Variants in GRB10 observed in about 807,000 individuals in gnomAD.
GRB10 encodes the protein growth factor receptor bound protein 10, also known as growth factor receptor-bound protein 10.
GRB10 carries 20 observed loss-of-function variants against 80.9 expected under a neutral mutation model. The ratio of observed to expected loss-of-function variants is 0.25; its 90% CI spans 0.17 to 0.36. GRB10 has a LOEUF of 0.36. GRB10 is among the 10% of genes least tolerant of loss of function. The probability of loss-of-function intolerance (pLI) is 1.00; values close to 1 mark genes in which losing one functional copy is unlikely to be tolerated. For missense variants in GRB10, 548 were observed against 747.7 expected, an observed-to-expected ratio of 0.73 and a Z score of 3.12; for synonymous variants, 291 against 291.5, an observed-to-expected ratio of 1.00 and a Z score of 0.02.
chr7:50,783,598 T>A (rs1368173568), upstream of GRB10, among the ~76,000 whole-genome samples: 1 of 151,608 alleles, frequency 6.6e-6, no homozygotes, highest in Non-Finnish European at 1.5e-5. Flanking sequence ...CCTGCAATGA[T>A]GGAAGCAAAA....
chr7:50,631,424 C>T (rs2053984031), intron 7 of GRB10, among the ~76,000 whole-genome samples: 1 of 152,202 alleles, frequency 6.6e-6, no homozygotes, highest in African/African-American at 2.4e-5. Context: ...GAAACCGAGA[C>T]ATCTGAGGGC....
chr7:50,745,025 C>T (rs1247507778), intron 3 of GRB10, among the ~76,000 whole-genome samples: 1 of 152,044 alleles, frequency 6.6e-6, no homozygotes, highest in East Asian at 1.9e-4. Flanking sequence ...ACAGCCTAGT[C>T]TTCTACATAT....
chr7:50,703,557 C>T (rs1292214888), intron 5 of GRB10, among the ~76,000 whole-genome samples: 1 of 149,076 alleles, frequency 6.7e-6, no homozygotes, highest in Non-Finnish European at 1.5e-5. Context: ...ATCAAGTTGC[C>T]TTTCGGCTGA....
intron 4 of GRB10, chr7:50,710,859 G>A: frequency 6.2e-7 from 1 of 1,612,438 alleles, no homozygotes; most frequent in South Asian, 1.1e-5. Flanking sequence ...GTGTTCGGTA[G>A]ACAGCGGGCA....
chr7:50,612,860 T>A, intron 12 of GRB10, 21 bp from the exon 13 acceptor site: 1 of 1,540,310 alleles, frequency 6.5e-7, no homozygotes, highest in Non-Finnish European at 9.0e-7. Context: ...TAAAAGAAAG[T>A]CCTGTTAGTG....
At chr7:50,713,283 C>T (rs1210043217) in intron 4 of GRB10, among the ~76,000 whole-genome samples, 1 of 151,976 alleles carries the variant, frequency 6.6e-6, no homozygotes, top group Non-Finnish European at 1.5e-5. Context: ...TCCTCCTCTG[C>T]GGTCACTACC....
chr7:50,672,939 T>C (rs1441916404), intron 6 of GRB10, among the ~76,000 whole-genome samples: 1 of 151,976 alleles, frequency 6.6e-6, no homozygotes, highest in Non-Finnish European at 1.5e-5. Context: ...CATCAATGAA[T>C]ATGACAAAAA....
At chr7:50,760,462 A>G (rs1292590871) in intron 2 of GRB10, among the ~76,000 whole-genome samples, 1 of 152,234 alleles carries the variant, frequency 6.6e-6, no homozygotes, top group Non-Finnish European at 1.5e-5. Flanking sequence ...AATATCCAAA[A>G]CAACTTTATA....
At chr7:50,680,641 T>A (rs2237481) in intron 5 of GRB10, among the ~76,000 whole-genome samples, 1 of 152,108 alleles carries the variant, frequency 6.6e-6, no homozygotes, top group Non-Finnish European at 1.5e-5. Context: ...ATTCAAAGTT[T>A]GTGATGACAT....
At chr7:50,685,108 A>G (rs1414321364) in intron 5 of GRB10, among the ~76,000 whole-genome samples, 1 of 152,216 alleles carries the variant, frequency 6.6e-6, no homozygotes, top group Admixed American at 6.5e-5. Context: ...ACACTCTATG[A>G]TTCTGTGGAT....
At chr7:50,730,125 T>A (rs1475930992) in intron 4 of GRB10, among the ~76,000 whole-genome samples, 1 of 152,152 alleles carries the variant, frequency 6.6e-6, no homozygotes, top group Non-Finnish European at 1.5e-5. Context: ...AGAATTATGA[T>A]GTGTCACATT....
intron 4 of GRB10, among the ~76,000 whole-genome samples, chr7:50,706,646 G>C (rs775483078): frequency 1.4e-4 from 21 of 152,236 alleles, no homozygotes; most frequent in Non-Finnish European, 2.2e-4. Flanking sequence ...TAATGCTGAG[G>C]TTGAACATTT....
At chr7:50,740,448 G>A (rs942134312) in intron 3 of GRB10, among the ~76,000 whole-genome samples, 1 of 152,126 alleles carries the variant, frequency 6.6e-6, no homozygotes, top group Non-Finnish European at 1.5e-5. Flanking sequence ...AATGATGATT[G>A]GGTTAAATAA....
At chr7:50,753,710 A>G (rs2074545873) in intron 3 of GRB10, among the ~76,000 whole-genome samples, 1 of 152,228 alleles carries the variant, frequency 6.6e-6, no homozygotes, top group Admixed American at 6.5e-5. Flanking sequence ...AGTGATCATC[A>G]GATTTCAAGC....
intron 4 of GRB10, among the ~76,000 whole-genome samples, chr7:50,728,974 A>G (rs985847391): frequency 6.6e-6 from 1 of 152,188 alleles, no homozygotes; most frequent in African/African-American, 2.4e-5. Flanking sequence ...ACCAGCCTCC[A>G]ATAAAACTTT....
Position 50,756,057 on chromosome 7 carries a change from C to G in GRB10, c.-216-1G>C. 5.0e-6 allele frequency: 2 copies of G among 398,660 alleles called. No individual in the cohort carries two copies. The highest frequency in any genetic ancestry group is 8.8e-6 in the Non-Finnish European group (2 of 226,088). The allele number at this position is 398,660 out of a possible 1,614,324, so 24.7% of individuals were successfully genotyped here. A position where few individuals can be genotyped will look rare whatever the true frequency, so the allele number is the denominator to read the frequency against. On this transcript the variant is annotated splice_acceptor_variant, in intron 2 of 18. Coordinates refer to ENST00000401949, the MANE Select transcript of GRB10 (RefSeq NM_001350814.2). LOFTEE classifies it low-confidence loss of function (5UTR_SPLICE). Reference sequence around the variant, plus strand: ...CTCAGCATTGTGGTCAGCGCCAAAGCTGGAAAGTCAAACGGGCCATCACTG... The same window carrying G: ...CTCAGCATTGTGGTCAGCGCCAAAGGTGGAAAGTCAAACGGGCCATCACTG...
chr7:50,732,400 C>T, intron 3 of GRB10, 32 bp from the exon 4 acceptor site: 1 of 1,291,368 alleles, frequency 7.7e-7, no homozygotes, highest in Non-Finnish European at 1.1e-6. Flanking sequence ...AGAAGCCAAG[C>T]CAGAAAAAAA....
chr7:50,667,741 G>A (rs1457162702), intron 7 of GRB10, among the ~76,000 whole-genome samples: 2 of 151,934 alleles, frequency 1.3e-5, no homozygotes, highest in Non-Finnish European at 2.9e-5. Context: ...CTTCCTGGTC[G>A]TTTCTGTGGG....
intron 5 of GRB10, among the ~76,000 whole-genome samples, chr7:50,692,068 T>G (rs2062879946): frequency 6.6e-6 from 1 of 152,202 alleles, no homozygotes; most frequent in African/African-American, 2.4e-5. Context: ...ATGTACAGAC[T>G]TTTCTCTTGT....
Sources: allele counts gnomAD v4.1 joint callset (sites outside exome capture counted in the v4.1 genomes callset), GRCh38; gene constraint gnomAD v4.1.1; transcripts MANE v1.5; gene names NCBI Gene and HGNC (gene_info 2026-07-23, HGNC 2026-07-21).